The following TPTE2 variants were observed in gnomAD, a reference collection of about 807,000 sequenced individuals.
The protein encoded by TPTE2 is phosphatidylinositol 3,4,5-trisphosphate 3-phosphatase TPTE2.
A neutral mutation model predicts 78.6 loss-of-function variants in TPTE2; 53 were observed. The observed-to-expected ratio is 0.67, with a 90% CI of 0.54 to 0.85. The LOEUF (loss-of-function observed/expected upper bound fraction) is 0.85. TPTE2 is among the 40% of genes least tolerant of loss of function. The pLI is 0.00. For missense variants in TPTE2, 461 were observed against 623.0 expected, an observed-to-expected ratio of 0.74 and a Z score of 2.77; for synonymous variants, 175 against 206.2, an observed-to-expected ratio of 0.85 and a Z score of 1.30.
At chr13:19,456,841 T>C (rs958421122) in intron 10 of TPTE2, among the ~76,000 whole-genome samples, 15 of 152,092 alleles carry the variant, frequency 9.9e-5, no homozygotes, top group African/African-American at 3.4e-4. Context: ...AAAATTTATA[T>C]GGAAATTCAA....
chr13:19,542,661 T>C, the TPTE2 span, among the ~76,000 whole-genome samples: 2 of 152,168 alleles, frequency 1.3e-5, no homozygotes, highest in African/African-American at 4.8e-5. Flanking sequence ...GGGTTCATCT[T>C]GGCTTCATAA....
At chr13:19,503,102 A>AGTGT in intron 1 of TPTE2, 122 bp downstream of exon 4, 5 of 1,388,988 alleles carry the variant, frequency 3.6e-6, no homozygotes, top group Non-Finnish European at 5.0e-6. Context: ...GTTTGGGAGA[A>AGTGT]GTGTGTATGG....
chr13:19,437,677 TG>T (rs772422899), intron 14 of TPTE2, among the ~76,000 whole-genome samples: 5 of 152,184 alleles, frequency 3.3e-5, no homozygotes, highest in East Asian at 1.9e-4. Context: ...GATTACTGAA[TG>T]TTTTTTTCTG....
chr13:19,526,181 A>G (rs1870484597), intron 1 of TPTE2, among the ~76,000 whole-genome samples: 1 of 152,180 alleles, frequency 6.6e-6, no homozygotes, highest in African/African-American at 2.4e-5. Context: ...CCCATTACTG[A>G]GTATATACCC....
At chr13:19,479,627 C>T (rs1277270629) in intron 4 of TPTE2, among the ~76,000 whole-genome samples, 1 of 152,054 alleles carries the variant, frequency 6.6e-6, no homozygotes, top group Non-Finnish European at 1.5e-5. Flanking sequence ...AAATTAAAGG[C>T]ATTACATGTG....
chr13:19,461,026 A>AT (rs139481253), intron 10 of TPTE2, among the ~76,000 whole-genome samples: 12,659 of 152,198 alleles, frequency 0.083, 621 homozygotes, highest in Middle Eastern at 0.12. Flanking sequence ...GTTGGAGTTT[A>AT]TTTTCTACTC....
rs917056646 is a variant in TPTE2, at chr13:19,497,522, A to T, written c.12-4021T>A. On this transcript the variant is annotated intron_variant, in intron 1 of 19. Coordinates refer to ENST00000400230, the Ensembl canonical transcript of TPTE2. Reference sequence around the variant, plus strand: ...CCCCTGAGCAGCCTAACTGGGAGGCACCCCCCAGCAGGGGCACACTGACAC... The same window carrying T: ...CCCCTGAGCAGCCTAACTGGGAGGCTCCCCCCAGCAGGGGCACACTGACAC... 1.5e-4 allele frequency among the ~76,000 whole-genome samples: 12 copies of T among 80,970 alleles called. 1 individual carries two copies. The highest frequency in any genetic ancestry group is 3.5e-4 in the African/African-American group (11 of 31,246). The allele number at this position is 80,970 out of a possible 152,430, so 53.1% of individuals were successfully genotyped here.
the TPTE2 span, chr13:19,561,307 C>T: frequency 1.2e-6 from 1 of 848,762 alleles, no homozygotes; most frequent in South Asian, 2.3e-5. Flanking sequence ...GCATGCCGAT[C>T]CCAGGCACAC....
chr13:19,514,635 G>GTGTGTGTGTGTGTC, intron 1 of TPTE2, among the ~76,000 whole-genome samples: 2 of 151,292 alleles, frequency 1.3e-5, no homozygotes, highest in Admixed American at 6.6e-5. Flanking sequence ...GTGTGTCTGT[G>GTGTGTGTGTGTGTC]TGTGAGAGAG....
chr13:19,479,856 A>G (rs1403186989), intron 4 of TPTE2, among the ~76,000 whole-genome samples: 7 of 151,792 alleles, frequency 4.6e-5, no homozygotes, highest in South Asian at 2.1e-4. Flanking sequence ...CCAGCTACTC[A>G]GGAGGCTGAG....
chr13:19,468,709 T>C (rs1879437089), intron 6 of TPTE2, among the ~76,000 whole-genome samples: 1 of 152,224 alleles, frequency 6.6e-6, no homozygotes, highest in Non-Finnish European at 1.5e-5. Context: ...TAAACCATTT[T>C]AGCTGGGGTG....
chr13:19,429,088 G>A (rs187788537), intron 17 of TPTE2, among the ~76,000 whole-genome samples: 1 of 152,302 alleles, frequency 6.6e-6, no homozygotes, highest in Admixed American at 6.5e-5. Flanking sequence ...TACAGATAAA[G>A]ATGTTGAGAC....
Position 19,475,556 on chromosome 13 carries a change from T to C in TPTE2, c.230+17A>G. The C allele has an allele frequency of 1.9e-6, 3 of 1,606,862 alleles. No homozygotes were observed. Among genetic ancestry groups the C allele is most frequent in the Non-Finnish European group, 2.5e-6 (3 of 1,177,176 alleles). ...TCAGATATATTTAATACATGGTGTT[T>C]TCTATGTCTCACATACCCAAATGCA... On this transcript the variant is annotated intron_variant, in intron 5 of 19. Coordinates refer to ENST00000400230, the Ensembl canonical transcript of TPTE2.
chr13:19,492,804 T>C, intron 3 of TPTE2, 46 bp downstream of exon 6: 2 of 1,610,544 alleles, frequency 1.2e-6, no homozygotes, highest in East Asian at 2.2e-5. Flanking sequence ...TGTACAGCTC[T>C]ATGCACTCTT....
the TPTE2 span, chr13:19,560,861 G>A: frequency 1.9e-6 from 3 of 1,562,070 alleles, no homozygotes; most frequent in Non-Finnish European, 2.6e-6. Context: ...GAAGCGGCAG[G>A]CCTGACAGGC....
In TPTE2 at chr13:19,456,054, A is replaced by G. The variant is rs565675509; in HGVS notation, c.742-4829T>C. 1.6e-4 allele frequency among the ~76,000 whole-genome samples: 25 copies of G among 152,346 alleles called. No homozygotes were observed. In the East Asian group the frequency reaches 4.2e-3, roughly 26 times the overall value. ...GTCCTAGATAATTCAATAAAGAAAGAAAAAAGTATAAAAAGTGGGAAGAAA... is the reference window on the plus strand; with the variant it reads ...GTCCTAGATAATTCAATAAAGAAAGGAAAAAGTATAAAAAGTGGGAAGAAA... On this transcript the variant is annotated intron_variant, in intron 10 of 19. Transcript: ENST00000400230.
chr13:19,538,918 G>T (rs959420721), upstream of TPTE2, among the ~76,000 whole-genome samples: 9 of 152,332 alleles, frequency 5.9e-5, no homozygotes, highest in African/African-American at 2.2e-4. Flanking sequence ...ATAAAGAAAT[G>T]AATGTATTTC....
the TPTE2 span, among the ~76,000 whole-genome samples, chr13:19,542,453 T>A: frequency 6.6e-6 from 1 of 152,214 alleles, no homozygotes; most frequent in African/African-American, 2.4e-5. Flanking sequence ...GAATTAGTGT[T>A]TGACTTTATG....
intron 10 of TPTE2, among the ~76,000 whole-genome samples, chr13:19,453,970 TC>T (rs1368676962): frequency 5.9e-5 from 9 of 152,188 alleles, no homozygotes; most frequent in African/African-American, 2.2e-4. Context: ...CTTTGGGTTT[TC>T]CTAAATCTAC....
Sources: allele counts gnomAD v4.1 joint callset (sites outside exome capture counted in the v4.1 genomes callset), GRCh38; gene constraint gnomAD v4.1.1; transcripts MANE v1.5; gene names NCBI Gene and HGNC (gene_info 2026-07-23, HGNC 2026-07-21).